FBXO15: variants seen among roughly 807,000 people sequenced by gnomAD.
FBXO15 encodes the protein F-box protein 15, also known as F-box only protein 15.
FBXO15 carries 30 observed loss-of-function variants against 49.5 expected under a neutral mutation model. That is an observed-to-expected ratio of 0.61 (90% confidence interval 0.45 to 0.82). FBXO15 has a LOEUF of 0.82. Among genes scored for constraint, FBXO15 ranks in the 40% least tolerant of loss-of-function variants. The pLI, the probability that FBXO15 is intolerant of heterozygous loss-of-function variation, is 0.00. For missense variants in FBXO15, 591 were observed against 631.5 expected, an observed-to-expected ratio of 0.94 and a Z score of 0.69; for synonymous variants, 250 against 232.7, an observed-to-expected ratio of 1.07 and a Z score of -0.68.
At chr18:74,130,824 G>T (rs1186742331) in intron 3 of FBXO15, 166 bp from the exon 4 acceptor site, 12 of 717,780 alleles carry the variant, frequency 1.7e-5, no homozygotes, top group Non-Finnish European at 1.9e-5. Context: ...TGCAGTTTGA[G>T]ATTTAGTGTT....
At chr18:74,112,923 C>T (rs1008762386) in intron 8 of FBXO15, among the ~76,000 whole-genome samples, 7 of 152,190 alleles carry the variant, frequency 4.6e-5, no homozygotes, top group African/African-American at 1.2e-4. Context: ...TAAACGTACT[C>T]GTACCACATG....
intron 8 of FBXO15, chr18:74,098,198 A>G (rs1913363131): frequency 6.6e-6 from 1 of 152,220 alleles, no homozygotes; most frequent in Non-Finnish European, 1.5e-5. Context: ...TTCAGGTAAT[A>G]CGACAAAACA....
intron 3 of FBXO15, 111 bp from the exon 4 acceptor site, chr18:74,130,769 C>A (rs17088805): frequency 0.099 from 118,116 of 1,187,598 alleles, 6,825 homozygotes; most frequent in Admixed American, 0.23. Flanking sequence ...CATGAATAAG[C>A]CAAGCTGAAT....
chr18:74,093,091 C>G (rs2145129299), intron 8 of FBXO15, among the ~76,000 whole-genome samples: 1 of 152,132 alleles, frequency 6.6e-6, no homozygotes, highest in Non-Finnish European at 1.5e-5. Context: ...GGGGGCAGGC[C>G]TGCTGTTGTC....
intron 1 of FBXO15, 44 bp downstream of exon 1, chr18:74,147,626 C>A: frequency 6.6e-6 from 9 of 1,370,948 alleles, no homozygotes; most frequent in Non-Finnish European, 8.5e-6. Context: ...CGCGCAGTGA[C>A]GGGCTTCCCG....
chr18:74,089,651 GC>G (rs1912928974), intron 8 of FBXO15, among the ~76,000 whole-genome samples: 2 of 152,164 alleles, frequency 1.3e-5, no homozygotes, highest in Admixed American at 1.3e-4. Flanking sequence ...TTTATCAAAA[GC>G]TTTTTCTGCA....
At chr18:74,088,116 C>A (rs1442432182) in intron 8 of FBXO15, among the ~76,000 whole-genome samples, 2 of 152,086 alleles carry the variant, frequency 1.3e-5, no homozygotes, top group Non-Finnish European at 2.9e-5. Context: ...AGACCTTTAT[C>A]AAATGCACAG....
intron 8 of FBXO15, chr18:74,098,495 T>C (rs1913379880): frequency 6.6e-6 from 1 of 152,116 alleles, no homozygotes; most frequent in Admixed American, 6.6e-5. Flanking sequence ...GCAATAGAAC[T>C]GAACATGGCA....
chr18:74,108,924 G>A lies in FBXO15; in HGVS notation c.1138+14444C>T, dbSNP rs893506011. ...TAAAACATTTGAAGTATTAAGTGTT[G>A]AGAGAAAAAATCCACCAATGAAGAA... On this transcript the variant is annotated intron_variant, in intron 8 of 9. Transcript: ENST00000419743. Among the ~76,000 whole-genome samples the A allele has an allele frequency of 2.6e-5, 4 of 152,160 alleles. No homozygotes were observed. The South Asian group carries it at 8.3e-4, about 32-fold the overall frequency.
intron 8 of FBXO15, among the ~76,000 whole-genome samples, chr18:74,121,262 C>CA (rs1914454143): frequency 6.6e-6 from 1 of 152,116 alleles, no homozygotes; most frequent in African/African-American, 2.4e-5. Context: ...CAAAATCCTC[C>CA]AAAAAATCCA....
intron 8 of FBXO15, 83 bp from the exon 9 acceptor site, chr18:74,082,134 G>A: frequency 1.4e-6 from 2 of 1,451,366 alleles, no homozygotes; most frequent in East Asian, 2.3e-5. Flanking sequence ...GACTTTATAA[G>A]GATACCTCAC....
chr18:74,134,952 A>G (rs142519112), intron 3 of FBXO15, among the ~76,000 whole-genome samples: 1 of 152,274 alleles, frequency 6.6e-6, no homozygotes, highest in African/African-American at 2.4e-5. Context: ...GCTGACATGC[A>G]GGTTCTATGT....
Position 74,081,965 on chromosome 18 carries a change from G to A in FBXO15, c.1225C>T (p.Leu409Phe), listed in dbSNP as rs1469225709. 3 of 1,613,078 alleles carry A rather than the reference G, an allele frequency of 1.9e-6. No individual in the cohort carries two copies. The highest frequency in any genetic ancestry group is 2.5e-6 in the Non-Finnish European group (3 of 1,179,518). The change falls in exon 9 of 10, where the codon CTC (leucine) becomes TTC (phenylalanine). Residue 409 changes from leucine to phenylalanine, a missense_variant. Leu to Phe is a conservative substitution (Grantham distance 22). Transcript: ENST00000419743. ...TCAAAAATATCAGTTTTCCACGAGAGGCCAACTTTTCCAATAAGAGGTAGG... is the reference window on the plus strand; with the variant it reads ...TCAAAAATATCAGTTTTCCACGAGAAGCCAACTTTTCCAATAAGAGGTAGG... ...EHLPLIGKVG[L>F]SWKTDIFDGC... is the part of the protein sequence containing the mutation.
At chr18:74,102,410 C>G (rs902193747) in intron 8 of FBXO15, among the ~76,000 whole-genome samples, 1 of 151,994 alleles carries the variant, frequency 6.6e-6, no homozygotes, top group Non-Finnish European at 1.5e-5. Flanking sequence ...TGCGATAATA[C>G]CTTACTCCTG....
At chr18:74,144,647 CTAAA>C (rs1979292799) in intron 1 of FBXO15, among the ~76,000 whole-genome samples, 1 of 145,888 alleles carries the variant, frequency 6.9e-6, no homozygotes, top group Non-Finnish European at 1.5e-5. Context: ...CTGCATTCTA[CTAAA>C]TAATCTGTCT....
intron 7 of FBXO15, 120 bp downstream of exon 7, chr18:74,124,369 G>A: frequency 1.3e-6 from 1 of 784,952 alleles, no homozygotes; most frequent in Non-Finnish European, 2.1e-6. Flanking sequence ...GTTGGTTTGT[G>A]TTTACTGATT....
intron 8 of FBXO15, among the ~76,000 whole-genome samples, chr18:74,108,523 G>GA (rs58040739): frequency 0.043 from 5,752 of 134,428 alleles, 145 homozygotes; most frequent in East Asian, 0.12. Flanking sequence ...AAAAAAGACG[G>GA]AAAAAAAAAA....
At chr18:74,105,428 A>T (rs1194293469) in intron 8 of FBXO15, among the ~76,000 whole-genome samples, 3 of 152,046 alleles carry the variant, frequency 2.0e-5, no homozygotes, top group East Asian at 1.9e-4. Flanking sequence ...GCATCAATTT[A>T]AAAAAATTAT....
At chr18:74,105,699 G>A (rs924003148) in intron 8 of FBXO15, among the ~76,000 whole-genome samples, 9 of 151,938 alleles carry the variant, frequency 5.9e-5, no homozygotes, top group African/African-American at 2.2e-4. Flanking sequence ...GCCCATCTCA[G>A]CCTCCCAAAG....
Sources: allele counts gnomAD v4.1 joint callset (sites outside exome capture counted in the v4.1 genomes callset), GRCh38; gene constraint gnomAD v4.1.1; transcripts MANE v1.5; gene names NCBI Gene and HGNC (gene_info 2026-07-23, HGNC 2026-07-21).